Variants in NT5DC1 observed in about 807,000 individuals in gnomAD.
NT5DC1 encodes the protein 5'-nucleotidase domain-containing protein 1.
In NT5DC1, 42 loss-of-function variants were observed where a neutral mutation model predicts 59.4. That is an observed-to-expected ratio of 0.71 (90% confidence interval 0.55 to 0.92). The LOEUF is 0.92. NT5DC1 is among the 40% of genes least tolerant of loss of function. The pLI is 0.00. For missense variants in NT5DC1, 501 were observed against 537.1 expected, an observed-to-expected ratio of 0.93 and a Z score of 0.66; for synonymous variants, 172 against 188.1, an observed-to-expected ratio of 0.91 and a Z score of 0.70.
intron 11 of NT5DC1, among the ~76,000 whole-genome samples, chr6:116,240,746 CAG>C (rs1771695991): frequency 6.6e-6 from 1 of 152,060 alleles, no homozygotes; most frequent in African/African-American, 2.4e-5. Context: ...TTATCAGAAA[CAG>C]AGGAGAGTCA....
chr6:116,235,061 A>G (rs1010959917), intron 8 of NT5DC1, among the ~76,000 whole-genome samples: 1 of 114,766 alleles, frequency 8.7e-6, no homozygotes, highest in Non-Finnish European at 1.8e-5. Flanking sequence ...TTTGCTTCCT[A>G]TTAGATTACT....
At chr6:116,178,088 T>TGTGTGTGTGTGTGTGTGTGTGTGTGC (rs1491426656) in intron 6 of NT5DC1, among the ~76,000 whole-genome samples, 3 of 99,624 alleles carry the variant, frequency 3.0e-5, no homozygotes, top group African/African-American at 1.4e-4. Flanking sequence ...TGTGTGTGTG[T>TGTGTGTGTGTGTGTGTGTGTGTGTGC]GCGCGCGCGC....
chr6:116,233,292 T>A (rs897983940), intron 8 of NT5DC1, among the ~76,000 whole-genome samples: 2 of 152,250 alleles, frequency 1.3e-5, no homozygotes, highest in Non-Finnish European at 2.9e-5. Context: ...AGGGACATTG[T>A]GAAAATAATA....
At chr6:116,226,878 A>G (rs532285995) in intron 8 of NT5DC1, among the ~76,000 whole-genome samples, 1 of 152,068 alleles carries the variant, frequency 6.6e-6, no homozygotes, top group Non-Finnish European at 1.5e-5. Context: ...TTATATATTT[A>G]TGTTGTACAA....
chr6:116,125,466 C>T, intron 6 of NT5DC1: 1 of 1,613,664 alleles, frequency 6.2e-7, no homozygotes, highest in Middle Eastern at 1.7e-4. Context: ...AGGATACTAG[C>T]AGCAAAAAGG....
At chr6:116,163,645 T>G (rs1780397800) in intron 6 of NT5DC1, among the ~76,000 whole-genome samples, 1 of 152,182 alleles carries the variant, frequency 6.6e-6, no homozygotes, top group Non-Finnish European at 1.5e-5. Flanking sequence ...CTTTATTTCT[T>G]TACTTCTGCT....
intron 11 of NT5DC1, among the ~76,000 whole-genome samples, chr6:116,241,943 AC>A (rs1397997502): frequency 0.023 from 422 of 18,342 alleles, 25 homozygotes; most frequent in African/African-American, 0.076. Flanking sequence ...AAAAAACAAA[AC>A]AAAAAAAAAA....
In NT5DC1 at chr6:116,106,343, C is replaced by CTTTTTTTTTTTTTTTTTTTTTTTT. The variant is rs56295720; in HGVS notation, c.185+27_185+28insTTTTTTTTTTTTTTTTTTTTTTTT. 1.4e-6 allele frequency: 1 copy of CTTTTTTTTTTTTTTTTTTTTTTTT among 702,504 alleles called. No individual in the cohort carries two copies. Among genetic ancestry groups the CTTTTTTTTTTTTTTTTTTTTTTTT allele is most frequent in the Non-Finnish European group, 2.3e-6 (1 of 439,044 alleles). 43.5% of individuals were successfully genotyped at this position (702,504 alleles called of 1,614,324 possible). ...AGAGGATTGGGATTTCTGGTAAGTT[C>CTTTTTTTTTTTTTTTTTTTTTTTT]TTTTTTTTTTTTTTTTTTTAAGTCT... is the stretch of plus-strand genomic sequence containing the variant. On this transcript the variant is annotated intron_variant, in intron 2 of 11. Coordinates refer to ENST00000319550, the MANE Select transcript of NT5DC1 (RefSeq NM_152729.3).
intron 1 of NT5DC1, among the ~76,000 whole-genome samples, chr6:116,101,923 C>G (rs1000794758): frequency 1.3e-5 from 2 of 152,286 alleles, no homozygotes; most frequent in Admixed American, 6.5e-5. Flanking sequence ...GACTGCCTAG[C>G]TTAGGACACC....
intron 6 of NT5DC1, among the ~76,000 whole-genome samples, chr6:116,179,619 T>C (rs1780831048): frequency 6.6e-6 from 1 of 152,104 alleles, no homozygotes; most frequent in Non-Finnish European, 1.5e-5. Flanking sequence ...AATTAAATTG[T>C]TTTCATCATT....
At chr6:116,120,616 G>A (rs1487240242) in intron 6 of NT5DC1, 2 of 1,565,212 alleles carry the variant, frequency 1.3e-6, no homozygotes, top group South Asian at 2.4e-5. Context: ...GCTCTCCAGA[G>A]TGGCCTCTTG....
At chr6:116,194,912 G>A (rs1781193173) in intron 6 of NT5DC1, among the ~76,000 whole-genome samples, 1 of 151,974 alleles carries the variant, frequency 6.6e-6, no homozygotes, top group Non-Finnish European at 1.5e-5. Context: ...TCTAAGTACT[G>A]ATAACCAAAA....
intron 8 of NT5DC1, among the ~76,000 whole-genome samples, chr6:116,232,771 G>GT (rs1330200631): frequency 6.6e-6 from 1 of 152,044 alleles, no homozygotes; most frequent in Non-Finnish European, 1.5e-5. Flanking sequence ...AAACTTTACT[G>GT]TTTTTTAAAC....
intron 6 of NT5DC1, among the ~76,000 whole-genome samples, chr6:116,184,594 T>C (rs1303132806): frequency 1.3e-5 from 2 of 152,116 alleles, no homozygotes; most frequent in African/African-American, 4.8e-5. Flanking sequence ...AGTGTCTGTT[T>C]CTTCCTGGTT....
At chr6:116,194,738 T>G (rs999896880) in intron 6 of NT5DC1, among the ~76,000 whole-genome samples, 1 of 151,942 alleles carries the variant, frequency 6.6e-6, no homozygotes. Context: ...ATGTAAATTA[T>G]CAGAAGAGTT....
intron 6 of NT5DC1, among the ~76,000 whole-genome samples, chr6:116,208,704 T>G (rs748302665): frequency 6.6e-6 from 1 of 152,060 alleles, no homozygotes; most frequent in Non-Finnish European, 1.5e-5. Context: ...TGTAGTGTCT[T>G]TCTGTGACCC....
chr6:116,171,270 G>A (rs549380694), intron 6 of NT5DC1, among the ~76,000 whole-genome samples: 36 of 151,976 alleles, frequency 2.4e-4, no homozygotes, highest in African/African-American at 7.7e-4. Flanking sequence ...ATTATTTTAC[G>A]AAGAATACAC....
rs983109587 is a variant in NT5DC1, at chr6:116,171,154, A to G, written c.530-49900A>G. Among the ~76,000 whole-genome samples the G allele has an allele frequency of 7.9e-5, 12 of 152,258 alleles. No homozygotes were observed. In the South Asian group the frequency reaches 2.5e-3, roughly 32 times the overall value. ...GTGTTCCATAAGTGATTGTTGAATA[A>G]ATGAATATATGTAAGGTTAAATGAC... is the stretch of plus-strand genomic sequence containing the variant. On this transcript the variant is annotated intron_variant, in intron 6 of 11. Coordinates refer to ENST00000319550, the MANE Select transcript of NT5DC1 (RefSeq NM_152729.3).
At chr6:116,236,697 T>C (rs767182631) in intron 8 of NT5DC1, among the ~76,000 whole-genome samples, 17 of 152,208 alleles carry the variant, frequency 1.1e-4, no homozygotes, top group Non-Finnish European at 4.4e-5. Flanking sequence ...CAGATGTCTG[T>C]CTAATCACTG....
Sources: allele counts gnomAD v4.1 joint callset (sites outside exome capture counted in the v4.1 genomes callset), GRCh38; gene constraint gnomAD v4.1.1; transcripts MANE v1.5; gene names NCBI Gene and HGNC (gene_info 2026-07-23, HGNC 2026-07-21).